The following OSBPL9 variants were observed in gnomAD, a reference collection of about 807,000 sequenced individuals.
The protein encoded by OSBPL9 is oxysterol-binding protein-related protein 9.
A neutral mutation model predicts 106.6 loss-of-function variants in OSBPL9; 40 were observed. The observed-to-expected ratio is 0.38, with a 90% CI of 0.29 to 0.49. The LOEUF (loss-of-function observed/expected upper bound fraction) is 0.49, where lower values mean the gene tolerates loss of function less well. Among genes scored for constraint, OSBPL9 ranks in the 20% least tolerant of loss-of-function variants. OSBPL9 has a pLI of 0.97. For synonymous variants in OSBPL9, 269 were observed against 295.4 expected (o/e 0.91, Z 0.92); for missense variants, 609 against 887.2 (o/e 0.69, Z 3.98).
chr1:51,581,507 G>C (rs546890960), intron 1 of OSBPL9, among the ~76,000 whole-genome samples: 1 of 152,114 alleles, frequency 6.6e-6, no homozygotes, highest in Non-Finnish European at 1.5e-5. Flanking sequence ...CTTAAGCAGT[G>C]GGGAGATATG....
the OSBPL9 span, among the ~76,000 whole-genome samples, chr1:51,557,743 GC>G: frequency 1.3e-5 from 2 of 152,286 alleles, no homozygotes; most frequent in East Asian, 3.9e-4. Flanking sequence ...CAGTAAAATG[GC>G]AACGGTAAGT....
chr1:51,667,588 G>T (rs1347731703), intron 2 of OSBPL9, among the ~76,000 whole-genome samples: 1 of 152,146 alleles, frequency 6.6e-6, no homozygotes, highest in Non-Finnish European at 1.5e-5. Context: ...TCCTGTACTG[G>T]ATATAAGTGC....
chr1:51,695,628 G>A (rs1429353010), intron 3 of OSBPL9, among the ~76,000 whole-genome samples: 2 of 152,150 alleles, frequency 1.3e-5, no homozygotes, highest in Non-Finnish European at 2.9e-5. Flanking sequence ...AGAATGGGAT[G>A]GGGTGAGTTT....
chr1:51,764,331 A>G (rs987316616), intron 11 of OSBPL9, among the ~76,000 whole-genome samples: 1 of 152,300 alleles, frequency 6.6e-6, no homozygotes, highest in South Asian at 2.1e-4. Context: ...TCCAATAAGA[A>G]AAAGCTGCTT....
intron 4 of OSBPL9, chr1:51,740,185 C>A (rs1287004200): frequency 6.5e-7 from 1 of 1,541,276 alleles, no homozygotes; most frequent in Non-Finnish European, 8.7e-7. Flanking sequence ...TGGTATCTCT[C>A]CAGTTCTTGA....
chr1:51,526,268 A>C, the OSBPL9 span, among the ~76,000 whole-genome samples: 4 of 152,210 alleles, frequency 2.6e-5, no homozygotes. Flanking sequence ...AATATGGCCT[A>C]CCGTGGGTAA....
intron 3 of OSBPL9, among the ~76,000 whole-genome samples, chr1:51,712,924 G>C (rs1224691828): frequency 6.6e-6 from 1 of 152,136 alleles, no homozygotes; most frequent in African/African-American, 2.4e-5. Context: ...AAAAATCTGT[G>C]ATCATTTAAA....
At chr1:51,622,093 G>C (rs1460851212) in intron 1 of OSBPL9, among the ~76,000 whole-genome samples, 1 of 152,012 alleles carries the variant, frequency 6.6e-6, no homozygotes, top group East Asian at 1.9e-4. Context: ...TTTAGTGATT[G>C]GATGTGAGTG....
chr1:51,677,434 T>C (rs1651517520), intron 3 of OSBPL9, among the ~76,000 whole-genome samples: 1 of 152,212 alleles, frequency 6.6e-6, no homozygotes, highest in South Asian at 2.1e-4. Context: ...TGTCTTGCCT[T>C]AAGCAAATCT....
At chr1:51,759,364 C>G (rs1165858520) in intron 9 of OSBPL9, among the ~76,000 whole-genome samples, 3 of 151,806 alleles carry the variant, frequency 2.0e-5, no homozygotes, top group Admixed American at 1.3e-4. Context: ...TTCACATGGC[C>G]TGGAAAAAAA....
chr1:51,665,855 T>C (rs1648338144), intron 2 of OSBPL9, among the ~76,000 whole-genome samples: 1 of 152,076 alleles, frequency 6.6e-6, no homozygotes, highest in Non-Finnish European at 1.5e-5. Flanking sequence ...AGAAATGTTT[T>C]GTGTATATAT....
intron 3 of OSBPL9, among the ~76,000 whole-genome samples, chr1:51,688,180 A>C (rs1284266006): frequency 6.6e-6 from 1 of 152,254 alleles, no homozygotes; most frequent in Non-Finnish European, 1.5e-5. Context: ...TGCAATGTGC[A>C]GTTGAATTTT....
At chr1:51,649,134 A>C (rs1407310495) in intron 1 of OSBPL9, among the ~76,000 whole-genome samples, 1 of 152,038 alleles carries the variant, frequency 6.6e-6, no homozygotes, top group Non-Finnish European at 1.5e-5. Context: ...TTTTTGAAAC[A>C]GTCACACTGT....
At chr1:51,533,845 C>CTT in the OSBPL9 span, among the ~76,000 whole-genome samples, 993 of 116,256 alleles carry the variant, frequency 8.5e-3, 4 homozygotes, top group African/African-American at 0.011. Context: ...TTTTTTCTTT[C>CTT]TTTTTTTTTT....
chr1:51,673,793 C>T (rs182235118), intron 3 of OSBPL9, among the ~76,000 whole-genome samples: 1 of 152,126 alleles, frequency 6.6e-6, no homozygotes, highest in East Asian at 1.9e-4. Context: ...CACTTGAGCC[C>T]AGGAGTTTAA....
At chr1:51,541,249 AAC>A in the OSBPL9 span, among the ~76,000 whole-genome samples, 2 of 152,180 alleles carry the variant, frequency 1.3e-5, no homozygotes, top group African/African-American at 4.8e-5. Flanking sequence ...TTCAGAGCCA[AAC>A]ACAGTTTCCA....
chr1:51,536,101 T>C, the OSBPL9 span, among the ~76,000 whole-genome samples: 1 of 152,176 alleles, frequency 6.6e-6, no homozygotes, highest in Non-Finnish European at 1.5e-5. Context: ...TTCTCTTATA[T>C]ACCTACATAC....
chr1:51,629,616 A>G lies in OSBPL9; in HGVS notation c.111+12395A>G, dbSNP rs187136360. On this transcript the variant is annotated intron_variant, in intron 1 of 23. Transcript: ENST00000428468. Reference sequence around the variant, plus strand: ...GCCTTTGGAGGTTCGCTGAAATGCAACTGACAAAAGGCAGATTCATAGGAG... The same window carrying G: ...GCCTTTGGAGGTTCGCTGAAATGCAGCTGACAAAAGGCAGATTCATAGGAG... Among the ~76,000 whole-genome samples the G allele has an allele frequency of 1.9e-4, 29 of 152,228 alleles. No individual in the cohort carries two copies. The East Asian group carries it at 3.3e-3, about 17-fold the overall frequency.
At chr1:51,675,013 T>C (rs755010009) in intron 3 of OSBPL9, among the ~76,000 whole-genome samples, 1 of 152,230 alleles carries the variant, frequency 6.6e-6, no homozygotes, top group Non-Finnish European at 1.5e-5. Context: ...GGGCAGCAGA[T>C]TGGACAAGCT....
Sources: allele counts gnomAD v4.1 joint callset (sites outside exome capture counted in the v4.1 genomes callset), GRCh38; gene constraint gnomAD v4.1.1; transcripts MANE v1.5; gene names NCBI Gene and HGNC (gene_info 2026-07-23, HGNC 2026-07-21).